The following SDK1 variants were observed in gnomAD, a reference collection of about 807,000 sequenced individuals.
The protein encoded by SDK1 is sidekick cell adhesion molecule 1.
In SDK1, 157 loss-of-function variants were observed where a neutral mutation model predicts 245.5. That is an observed-to-expected ratio of 0.64 (90% CI 0.56 to 0.73). SDK1 has a LOEUF of 0.73. Ranked by LOEUF, SDK1 falls within the 30% of genes least tolerant of loss-of-function variation. The pLI is 0.00. For missense variants in SDK1, 3,583 were observed against 3,002.3 expected, an observed-to-expected ratio of 1.19 and a Z score of -4.52; for synonymous variants, 1,647 against 1,278.5, an observed-to-expected ratio of 1.29 and a Z score of -6.15.
intron 33 of SDK1, among the ~76,000 whole-genome samples, chr7:4,175,573 C>T (rs1487668778): frequency 1.3e-5 from 2 of 152,184 alleles, no homozygotes; most frequent in Non-Finnish European, 2.9e-5. Context: ...TTGTTGTTTA[C>T]GAGGAGGTGC....
chr7:3,641,363 A>T (rs1262331591), intron 3 of SDK1, among the ~76,000 whole-genome samples: 1 of 151,986 alleles, frequency 6.6e-6, no homozygotes, highest in Non-Finnish European at 1.5e-5. Flanking sequence ...CATTTTTTAA[A>T]TTTTTTTTAT....
chr7:3,304,827 A>T lies in SDK1; in HGVS notation c.298+2943A>T, dbSNP rs894521328. Among the ~76,000 whole-genome samples, 31 of 152,162 alleles carry T rather than the reference A, an allele frequency of 2.0e-4. 1 individual carries two copies. Among genetic ancestry groups the T allele is most frequent in the Admixed American group, 1.5e-3 (23 of 15,278 alleles). On this transcript the variant is annotated intron_variant, in intron 1 of 44. Coordinates refer to ENST00000404826, the MANE Select transcript of SDK1 (RefSeq NM_152744.4). ...TTCTCAAACTTGGTTGCACATTGGA[A>T]TCACCTGGAGCTTTAAACTTCTGAT...
intron 1 of SDK1, among the ~76,000 whole-genome samples, chr7:3,397,618 C>A (rs1289373021): frequency 6.6e-6 from 1 of 151,784 alleles, no homozygotes; most frequent in Non-Finnish European, 1.5e-5. Context: ...CAGATTCTGT[C>A]TTTGAACATT....
Position 3,971,523 on chromosome 7 carries a change from C to T in SDK1, c.1772C>T (p.Ala591Val). 4 of 1,613,664 alleles carry T rather than the reference C, an allele frequency of 2.5e-6. No homozygotes were observed. Among genetic ancestry groups the T allele is most frequent in the Non-Finnish European group, 3.4e-6 (4 of 1,179,800 alleles). Reference protein sequence around the residue: ...EDHVVIKGTTATLHCGATHDP... With the variant: ...EDHVVIKGTTVTLHCGATHDP... ...CACGTGGTGATTAAGGGGACCACGG[C>T]CACGCTGCACTGTGGTGCCACACAT... The change falls in exon 12 of 45, where the codon GCC becomes GTC. Residue 591 changes from alanine to valine, a missense_variant. Physicochemically the swap from Ala to Val is moderately conservative, Grantham distance 64 (BLOSUM62 0). Transcript: ENST00000404826.
chr7:4,074,965 A>G (rs60977750), intron 20 of SDK1, among the ~76,000 whole-genome samples: 44,096 of 141,002 alleles, frequency 0.31, 7,504 homozygotes, highest in Middle Eastern at 0.41. Context: ...AGAAGGCAAA[A>G]ATGAGTGGTT....
chr7:3,675,279 A>C (rs1003991768), intron 4 of SDK1, among the ~76,000 whole-genome samples: 1 of 152,120 alleles, frequency 6.6e-6, no homozygotes, highest in Non-Finnish European at 1.5e-5. Context: ...TCAAAATCCA[A>C]CATTTAGCTG....
At chr7:3,566,746 A>C (rs1422655972) in intron 1 of SDK1, among the ~76,000 whole-genome samples, 1 of 151,952 alleles carries the variant, frequency 6.6e-6, no homozygotes, top group Non-Finnish European at 1.5e-5. Flanking sequence ...AAGTGATTGC[A>C]ATCCAAGGAG....
intron 4 of SDK1, among the ~76,000 whole-genome samples, chr7:3,792,476 G>C (rs1781126943): frequency 6.6e-6 from 1 of 152,260 alleles, no homozygotes. Flanking sequence ...TGCCCAGGCA[G>C]ACCCAGCAGA....
intron 4 of SDK1, among the ~76,000 whole-genome samples, chr7:3,754,493 C>G (rs962982625): frequency 1.3e-5 from 2 of 151,862 alleles, no homozygotes; most frequent in Non-Finnish European, 2.9e-5. Context: ...GATATTCTAT[C>G]AAGGTCAGTA....
In SDK1 at chr7:3,579,627, C is replaced by T. The variant is rs181853157; in HGVS notation, c.299-39453C>T. On this transcript the variant is annotated intron_variant, in intron 1 of 44. Transcript: ENST00000404826. ...GAAAACTGGCTGAAGACAAGGATGCCCTCTCTCACCAATCCTATTCAAGAT... is the reference window on the plus strand; with the variant it reads ...GAAAACTGGCTGAAGACAAGGATGCTCTCTCTCACCAATCCTATTCAAGAT... 2.6e-5 allele frequency among the ~76,000 whole-genome samples: 4 copies of T among 152,220 alleles called. No individual in the cohort carries two copies. The East Asian group carries it at 7.7e-4, about 29-fold the overall frequency.
At chr7:3,812,449 T>G (rs572155903) in intron 4 of SDK1, among the ~76,000 whole-genome samples, 1 of 152,308 alleles carries the variant, frequency 6.6e-6, no homozygotes, top group East Asian at 1.9e-4. Flanking sequence ...TACCACCGCT[T>G]GGGTCTATAT....
chr7:4,251,668 A>G (rs1410435022), intron 44 of SDK1, among the ~76,000 whole-genome samples: 1 of 152,240 alleles, frequency 6.6e-6, no homozygotes. Flanking sequence ...TACAGTTTAG[A>G]CACTGCAGTC....
At chr7:3,352,816 T>G (rs1460083428) in intron 1 of SDK1, among the ~76,000 whole-genome samples, 3 of 152,010 alleles carry the variant, frequency 2.0e-5, no homozygotes, top group Non-Finnish European at 4.4e-5. Context: ...ATGAAAAAAT[T>G]GAGGTATTCA....
chr7:4,004,925 C>G (rs1172046969), intron 14 of SDK1, among the ~76,000 whole-genome samples: 4 of 151,960 alleles, frequency 2.6e-5, no homozygotes, highest in African/African-American at 9.7e-5. Flanking sequence ...CCACAAAACC[C>G]CCTTCTACCT....
intron 1 of SDK1, among the ~76,000 whole-genome samples, chr7:3,467,422 G>A (rs973167338): frequency 3.9e-5 from 6 of 151,900 alleles, no homozygotes; most frequent in Admixed American, 3.3e-4. Flanking sequence ...AACCAAAAAT[G>A]TATAGTATAA....
At chr7:3,802,939 T>C (rs763757066) in intron 4 of SDK1, among the ~76,000 whole-genome samples, 5 of 152,234 alleles carry the variant, frequency 3.3e-5, no homozygotes, top group African/African-American at 4.8e-5. Context: ...ACATTTCTAT[T>C]CAGGTTTTTG....
At chr7:4,025,653 C>T (rs1231788250) in intron 17 of SDK1, among the ~76,000 whole-genome samples, 4 of 152,196 alleles carry the variant, frequency 2.6e-5, no homozygotes, top group African/African-American at 9.7e-5. Context: ...TCTGTATCCC[C>T]ATATCCAAGC....
chr7:3,951,451 A>G (rs1780816658), intron 6 of SDK1, among the ~76,000 whole-genome samples: 2 of 152,146 alleles, frequency 1.3e-5, no homozygotes, highest in African/African-American at 4.8e-5. Flanking sequence ...TTTATTTTAA[A>G]CATTCATTTC....
intron 1 of SDK1, among the ~76,000 whole-genome samples, chr7:3,555,027 C>A (rs10236989): frequency 6.6e-6 from 1 of 151,932 alleles, no homozygotes; most frequent in Non-Finnish European, 1.5e-5. Context: ...TCTATAGATT[C>A]AATGCAATCC....
Sources: allele counts gnomAD v4.1 joint callset (sites outside exome capture counted in the v4.1 genomes callset), GRCh38; gene constraint gnomAD v4.1.1; transcripts MANE v1.5; gene names NCBI Gene and HGNC (gene_info 2026-07-23, HGNC 2026-07-21).